Variants in UQCC1 observed in about 807,000 individuals in gnomAD.
The protein encoded by UQCC1 is bFGF-repressed Zic-binding protein.
UQCC1 carries 38 observed loss-of-function variants against 48.0 expected under a neutral mutation model. That is an observed-to-expected ratio of 0.79 (90% confidence interval 0.61 to 1.04). UQCC1 has a LOEUF of 1.04. UQCC1 is among the 50% of genes least tolerant of loss of function. The probability of loss-of-function intolerance (pLI) is 0.00; values close to 1 mark genes in which losing one functional copy is unlikely to be tolerated. For synonymous variants in UQCC1, 111 were observed against 129.2 expected, an observed-to-expected ratio of 0.86 and a Z score of 0.95; for missense variants, 368 against 381.8, an observed-to-expected ratio of 0.96 and a Z score of 0.30.
At chr20:35,321,923 C>T (rs1157780069) in intron 7 of UQCC1, among the ~76,000 whole-genome samples, 1 of 152,134 alleles carries the variant, frequency 6.6e-6, no homozygotes, top group African/African-American at 2.4e-5. Context: ...GATGTATGTC[C>T]TCAGAAATTC....
chr20:35,313,998 T>A (rs2061026319), intron 8 of UQCC1, among the ~76,000 whole-genome samples: 1 of 152,188 alleles, frequency 6.6e-6, no homozygotes, highest in Non-Finnish European at 1.5e-5. Context: ...GGAGTCTCAC[T>A]CTGTCACCCA....
rs193041018 is a variant in UQCC1 at position 35,391,514 on chromosome 20, C to T, written c.129+2578G>A. Among the ~76,000 whole-genome samples the T allele has an allele frequency of 2.4e-3, 358 of 152,004 alleles. 12 individuals carry two copies. In the South Asian group the frequency reaches 0.053, roughly 23 times the overall value. On this transcript the variant is annotated intron_variant, in intron 2 of 9. Transcript: ENST00000374385. ...TGGCACATACTTGTAATCCCAGCTACTTGGGAGGCTGAGGTGGGAGGATCG... is the reference window on the plus strand; with the variant it reads ...TGGCACATACTTGTAATCCCAGCTATTTGGGAGGCTGAGGTGGGAGGATCG...
intron 6 of UQCC1, among the ~76,000 whole-genome samples, chr20:35,365,764 A>C (rs1241097769): frequency 6.6e-6 from 1 of 152,192 alleles, no homozygotes; most frequent in Non-Finnish European, 1.5e-5. Flanking sequence ...GGTGATCAAA[A>C]CCAAAAAGTA....
intron 4 of UQCC1, among the ~76,000 whole-genome samples, chr20:35,377,006 T>C (rs2061809992): frequency 6.9e-6 from 1 of 143,914 alleles, no homozygotes; most frequent in Non-Finnish European, 1.5e-5. Context: ...AAAGGAAATG[T>C]TACGAAATCT....
intron 8 of UQCC1, among the ~76,000 whole-genome samples, chr20:35,312,085 T>C (rs899500529): frequency 1.3e-5 from 2 of 152,162 alleles, no homozygotes; most frequent in East Asian, 1.9e-4. Context: ...ACTGAGCCAA[T>C]AGAGCCACCT....
intron 2 of UQCC1, among the ~76,000 whole-genome samples, chr20:35,390,736 A>C (rs1451306413): frequency 6.6e-6 from 1 of 152,168 alleles, no homozygotes; most frequent in Non-Finnish European, 1.5e-5. Flanking sequence ...GAAAATACTA[A>C]CTTTAGAGTT....
intron 8 of UQCC1, among the ~76,000 whole-genome samples, chr20:35,310,486 T>C (rs2060977475): frequency 6.6e-6 from 1 of 150,556 alleles, no homozygotes; most frequent in Non-Finnish European, 1.5e-5. Flanking sequence ...CTACGAAAAA[T>C]ACAAAAAAAA....
intron 6 of UQCC1, among the ~76,000 whole-genome samples, chr20:35,360,327 A>G (rs561317810): frequency 6.6e-6 from 1 of 152,202 alleles, no homozygotes; most frequent in South Asian, 2.1e-4. Flanking sequence ...GGTGGTTTTA[A>G]AGAGCCTCTG....
chr20:35,375,326 C>T (rs2061783649), intron 4 of UQCC1, among the ~76,000 whole-genome samples: 1 of 152,104 alleles, frequency 6.6e-6, no homozygotes, highest in Non-Finnish European at 1.5e-5. Flanking sequence ...GCAAGTGTCT[C>T]TGATGGGTAG....
chr20:35,379,020 T>C (rs1362262692), intron 4 of UQCC1, among the ~76,000 whole-genome samples: 2 of 152,196 alleles, frequency 1.3e-5, no homozygotes, highest in African/African-American at 2.4e-5. Context: ...TCTGAATACA[T>C]TCCAGTTTGT....
chr20:35,390,619 T>TA lies in UQCC1; in HGVS notation c.129+3472dup, dbSNP rs1022794191. 1.6e-3 allele frequency among the ~76,000 whole-genome samples: 238 copies of TA among 151,744 alleles called. 3 individuals carry two copies. Among genetic ancestry groups the TA allele is most frequent in the Non-Finnish European group, 3.1e-4 (21 of 67,910 alleles). On this transcript the variant is annotated intron_variant, in intron 2 of 9. Transcript: ENST00000374385. Reference sequence around the variant, plus strand: ...AATAAATTTAATGTTAACATATCATTAAAAAAAACCACCAATGACTGCTAA... The same window carrying TA: ...AATAAATTTAATGTTAACATATCATTAAAAAAAAACCACCAATGACTGCTAA...
intron 6 of UQCC1, among the ~76,000 whole-genome samples, chr20:35,359,912 A>G (rs1240319052): frequency 6.6e-6 from 1 of 152,122 alleles, no homozygotes; most frequent in Non-Finnish European, 1.5e-5. Flanking sequence ...CTCCCTCACT[A>G]TGAAGCCTAA....
At chr20:35,395,314 T>C (rs919052748) in intron 1 of UQCC1, among the ~76,000 whole-genome samples, 1 of 152,144 alleles carries the variant, frequency 6.6e-6, no homozygotes, top group South Asian at 2.1e-4. Flanking sequence ...AAGAGTCACC[T>C]TATTAACATA....
At chr20:35,360,864 A>G (rs972658419) in intron 6 of UQCC1, among the ~76,000 whole-genome samples, 38 of 152,180 alleles carry the variant, frequency 2.5e-4, no homozygotes, top group Admixed American at 2.4e-3. Context: ...ACTCAGGGGA[A>G]GAGACCCCTA....
intron 2 of UQCC1, among the ~76,000 whole-genome samples, chr20:35,390,435 A>AC: frequency 6.6e-6 from 1 of 152,142 alleles, no homozygotes; most frequent in East Asian, 1.9e-4. Context: ...AAAAAAAAAA[A>AC]AAATCATAGA....
intron 7 of UQCC1, chr20:35,346,113 C>T (rs1341628548): frequency 6.6e-6 from 1 of 152,130 alleles, no homozygotes; most frequent in Non-Finnish European, 1.5e-5. Context: ...AATCAGCGCT[C>T]TGTGTCTAGC....
chr20:35,392,380 A>C (rs1184318413), intron 2 of UQCC1: 3 of 890,308 alleles, frequency 3.4e-6, no homozygotes, highest in Non-Finnish European at 4.9e-6. Context: ...GAGATAAACC[A>C]CCCTCAGTTA....
At chr20:35,369,805 G>A (rs370156020) in intron 5 of UQCC1, among the ~76,000 whole-genome samples, 8 of 152,144 alleles carry the variant, frequency 5.3e-5, no homozygotes, top group African/African-American at 1.9e-4. Flanking sequence ...TAGTAGAATT[G>A]AAATTATCTT....
At chr20:35,374,585 C>T (rs2061775047) in intron 4 of UQCC1, among the ~76,000 whole-genome samples, 1 of 152,146 alleles carries the variant, frequency 6.6e-6, no homozygotes, top group Non-Finnish European at 1.5e-5. Flanking sequence ...CACATTAACT[C>T]TTTAGAATCT....
Sources: allele counts gnomAD v4.1 joint callset (sites outside exome capture counted in the v4.1 genomes callset), GRCh38; gene constraint gnomAD v4.1.1; transcripts MANE v1.5; gene names NCBI Gene and HGNC (gene_info 2026-07-23, HGNC 2026-07-21).